The following ZNF385D variants were observed in gnomAD, a reference collection of about 807,000 sequenced individuals.
ZNF385D encodes zinc finger protein 659.
A neutral mutation model predicts 35.8 loss-of-function variants in ZNF385D; 15 were observed. The observed-to-expected ratio is 0.42, with a 90% CI of 0.28 to 0.64. The LOEUF is 0.64. ZNF385D is among the 30% of genes least tolerant of loss of function. The pLI, the probability that ZNF385D is intolerant of heterozygous loss-of-function variation, is 0.23. For synonymous variants in ZNF385D, 212 were observed against 186.8 expected (o/e 1.13, Z -1.10); for missense variants, 474 against 494.6 (o/e 0.96, Z 0.39).
intron 3 of ZNF385D, among the ~76,000 whole-genome samples, chr3:21,962,828 G>A (rs915740540): frequency 6.6e-6 from 1 of 152,080 alleles, no homozygotes. Flanking sequence ...ATATGTACTA[G>A]GGAAATGTTT....
intron 1 of ZNF385D, among the ~76,000 whole-genome samples, chr3:21,673,572 C>T (rs1431512992): frequency 1.3e-5 from 2 of 152,128 alleles, no homozygotes; most frequent in Non-Finnish European, 2.9e-5. Context: ...AGAAGCCAGA[C>T]ACCGTTGGGA....
At chr3:21,742,171 A>G (rs962298490) in intron 1 of ZNF385D, among the ~76,000 whole-genome samples, 1 of 152,208 alleles carries the variant, frequency 6.6e-6, no homozygotes, top group Non-Finnish European at 1.5e-5. Context: ...ATTTCATTAC[A>G]CTTCACTGTC....
chr3:22,110,309 A>T (rs1702446717), intron 3 of ZNF385D, among the ~76,000 whole-genome samples: 1 of 151,944 alleles, frequency 6.6e-6, no homozygotes, highest in Non-Finnish European at 1.5e-5. Context: ...AAGGATTATA[A>T]ATCATGCTGC....
At chr3:22,145,719 T>A (rs1704808083) in intron 3 of ZNF385D, among the ~76,000 whole-genome samples, 1 of 152,202 alleles carries the variant, frequency 6.6e-6, no homozygotes, top group African/African-American at 2.4e-5. Context: ...TTGATAAGAA[T>A]AAATAAAGAT....
intron 3 of ZNF385D, among the ~76,000 whole-genome samples, chr3:21,812,597 G>A (rs2072973195): frequency 1.3e-5 from 2 of 152,224 alleles, no homozygotes; most frequent in Admixed American, 1.3e-4. Context: ...CTTGCTCACT[G>A]CTAGCACAGC....
intron 2 of ZNF385D, among the ~76,000 whole-genome samples, chr3:22,336,129 T>A (rs1222058907): frequency 6.6e-6 from 1 of 152,144 alleles, no homozygotes; most frequent in Non-Finnish European, 1.5e-5. Flanking sequence ...GAAACCCAGT[T>A]TGTTTTATTA....
intron 3 of ZNF385D, among the ~76,000 whole-genome samples, chr3:22,114,431 A>G (rs1174624766): frequency 6.6e-6 from 1 of 152,104 alleles, no homozygotes; most frequent in African/African-American, 2.4e-5. Context: ...GGTACATATC[A>G]TGTTTTACAT....
intron 2 of ZNF385D, among the ~76,000 whole-genome samples, chr3:22,346,211 A>G (rs547400425): frequency 6.6e-6 from 1 of 152,306 alleles, no homozygotes; most frequent in South Asian, 2.1e-4. Flanking sequence ...CAGGCTCCAT[A>G]AATTCCTGTC....
chr3:21,973,151 G>A (rs1196069314), intron 3 of ZNF385D, among the ~76,000 whole-genome samples: 1 of 151,820 alleles, frequency 6.6e-6, no homozygotes, highest in Non-Finnish European at 1.5e-5. Context: ...GATGAACACT[G>A]ACGCGAATTT....
At chr3:21,759,109 A>G (rs1280844966) in intron 3 of ZNF385D, among the ~76,000 whole-genome samples, 2 of 151,888 alleles carry the variant, frequency 1.3e-5, no homozygotes, top group African/African-American at 4.8e-5. Flanking sequence ...AATGAAGCAT[A>G]TATCCAAAAA....
At chr3:22,116,455 G>C (rs1702815071) in intron 3 of ZNF385D, among the ~76,000 whole-genome samples, 1 of 151,792 alleles carries the variant, frequency 6.6e-6, no homozygotes, top group Non-Finnish European at 1.5e-5. Context: ...TTCTCTAAAG[G>C]AAAGAAGGAA....
chr3:21,566,051 A>C (rs1347040933), intron 2 of ZNF385D, among the ~76,000 whole-genome samples: 1 of 152,076 alleles, frequency 6.6e-6, no homozygotes, highest in African/African-American at 2.4e-5. Context: ...CACAACTCCT[A>C]TTAGGTTGTC....
chr3:22,346,244 G>C (rs1020803269), intron 2 of ZNF385D, among the ~76,000 whole-genome samples: 2 of 151,534 alleles, frequency 1.3e-5, no homozygotes, highest in African/African-American at 4.9e-5. Flanking sequence ...CAGCTCAAAG[G>C]AATAGACGTT....
intron 3 of ZNF385D, among the ~76,000 whole-genome samples, chr3:21,960,112 T>C (rs1309231214): frequency 6.9e-6 from 1 of 144,118 alleles, no homozygotes; most frequent in Non-Finnish European, 1.5e-5. Flanking sequence ...TGAAAAAAAA[T>C]CTGTAGAAGG....
rs147515971 is a variant in ZNF385D at position 21,500,198 on chromosome 3, A to G, written c.439+10663T>C. Among the ~76,000 whole-genome samples, 488 of 152,344 alleles carry G rather than the reference A, an allele frequency of 3.2e-3. 1 individual carries two copies. The highest frequency in any genetic ancestry group is 5.4e-3 in the Non-Finnish European group (369 of 68,030). ...AAAGTAGTTAAATGTAATAAAGTTC[A>G]ATTAGTAAAACTTATTGATTATGTA... is the stretch of plus-strand genomic sequence containing the variant. On this transcript the variant is annotated intron_variant, in intron 4 of 7. Coordinates refer to ENST00000281523, the MANE Select transcript of ZNF385D (RefSeq NM_024697.3).
intron 3 of ZNF385D, among the ~76,000 whole-genome samples, chr3:21,851,286 T>C (rs149352288): frequency 7.7e-4 from 117 of 152,132 alleles, no homozygotes; most frequent in Non-Finnish European, 1.4e-3. Context: ...AGGCATACCT[T>C]GGAGACATGG....
intron 1 of ZNF385D, among the ~76,000 whole-genome samples, chr3:21,723,781 A>C (rs4447785): frequency 6.6e-6 from 1 of 152,030 alleles, no homozygotes; most frequent in African/African-American, 2.4e-5. Flanking sequence ...CAACATTCAA[A>C]TTCAGGGAAT....
chr3:22,173,277 C>T (rs73048950), intron 2 of ZNF385D, among the ~76,000 whole-genome samples: 4,076 of 151,916 alleles, frequency 0.027, 84 homozygotes, highest in African/African-American at 0.032. Context: ...ACATGGACAT[C>T]GGAGGAAAAA....
chr3:22,225,268 G>A (rs1038116764), intron 2 of ZNF385D, among the ~76,000 whole-genome samples: 5 of 152,120 alleles, frequency 3.3e-5, no homozygotes, highest in African/African-American at 1.2e-4. Context: ...GGTGCCCCAT[G>A]TATATCCCGT....
Sources: allele counts gnomAD v4.1 joint callset (sites outside exome capture counted in the v4.1 genomes callset), GRCh38; gene constraint gnomAD v4.1.1; transcripts MANE v1.5; gene names NCBI Gene and HGNC (gene_info 2026-07-23, HGNC 2026-07-21).